RB1CC1: variants seen among roughly 807,000 people sequenced by gnomAD.
RB1CC1 encodes the protein RB1 inducible coiled-coil 1.
RB1CC1 carries 46 observed loss-of-function variants against 177.5 expected under a neutral mutation model. That is an observed-to-expected ratio of 0.26 (90% CI 0.20 to 0.33). The LOEUF is 0.33. Among genes scored for constraint, RB1CC1 ranks in the 10% least tolerant of loss-of-function variants. RB1CC1 has a pLI of 1.00. For missense variants in RB1CC1, 1,703 were observed against 1,816.3 expected (o/e 0.94, Z 1.13); for synonymous variants, 666 against 613.6 (o/e 1.09, Z -1.26).
intron 15 of RB1CC1, 104 bp from the exon 16 acceptor site, chr8:52,645,971 A>G (rs1849987181): frequency 4.5e-6 from 5 of 1,106,442 alleles, no homozygotes; most frequent in Admixed American, 5.0e-5. Context: ...TCAATAATGT[A>G]GCATGAAAGA....
In RB1CC1 at chr8:52,642,807, A is replaced by C. The variant is rs1849696506; in HGVS notation, c.3993T>G (p.Asn1331Lys). Residue 1331 changes from asparagine (N) to lysine (K), a missense_variant, in exon 17 of 24, where the codon AAT becomes AAG. Around this residue, in one of 6 missense-constraint regions of RB1CC1, gnomAD observed 1,169 missense variants for 1,184.7 expected, o/e 0.99. Coordinates refer to ENST00000025008, the MANE Select transcript of RB1CC1 (RefSeq NM_014781.5). ...RTSLIAEQQT[N>K]FNTVLTREKM... Reference sequence around the variant, plus strand: ...TCTCTCTTGTTAAAACAGTGTTAAAATTGGTCTGGAACAAGAGAATAATTA... The same window carrying C: ...TCTCTCTTGTTAAAACAGTGTTAAACTTGGTCTGGAACAAGAGAATAATTA... 3.2e-6 allele frequency: 5 copies of C among 1,548,440 alleles called. No homozygotes were observed. The African/African-American group carries it at 4.2e-5, about 13-fold the overall frequency.
chr8:52,656,482 T>G lies in RB1CC1; in HGVS notation c.3347A>C (p.Glu1116Ala). Residue 1116 changes from glutamate (E) to alanine (A), a missense_variant, in exon 15 of 24, where the codon GAA becomes GCA. Physicochemically the swap from Glu to Ala is moderately radical, Grantham distance 107 (BLOSUM62 -1). This residue lies in a region of RB1CC1 where 1,169 missense variants were observed against 1,184.7 expected (regional missense o/e 0.99). Transcript: ENST00000025008. ...KLNQKIQDNN[E>A]NYQVGLAELR... is the part of the protein sequence containing the mutation. ...CTCTGCTAAGCCCACCTGATAATTT[T>G]CATTATTATCCTGAATCTTTTGGTT... 1 of 1,611,448 alleles carries G rather than the reference T, an allele frequency of 6.2e-7. No individual in the cohort carries two copies. Among genetic ancestry groups the G allele is most frequent in the Non-Finnish European group, 8.5e-7 (1 of 1,179,732 alleles).
chr8:52,701,003 T>G (rs1855996039), intron 1 of RB1CC1, among the ~76,000 whole-genome samples: 1 of 152,212 alleles, frequency 6.6e-6, no homozygotes, highest in Admixed American at 6.5e-5. Context: ...TTACTAAAGA[T>G]TCTACAAGTA....
At chr8:52,666,381 G>A (rs1231730171) in intron 8 of RB1CC1, among the ~76,000 whole-genome samples, 2 of 152,048 alleles carry the variant, frequency 1.3e-5, no homozygotes, top group Non-Finnish European at 2.9e-5. Flanking sequence ...AACCAGGCGT[G>A]GTGGTGCATG....
intron 22 of RB1CC1, 102 bp downstream of exon 22, chr8:52,627,930 T>C (rs1848508038): frequency 1.9e-6 from 2 of 1,051,054 alleles, no homozygotes; most frequent in South Asian, 3.8e-5. Context: ...GGTTCCCTCT[T>C]AGTGACTTAA....
intron 1 of RB1CC1, among the ~76,000 whole-genome samples, chr8:52,690,595 G>C (rs1471696999): frequency 6.6e-6 from 1 of 152,236 alleles, no homozygotes; most frequent in Non-Finnish European, 1.5e-5. Context: ...CCTGAACTGA[G>C]AAGATGTAAA....
chr8:52,673,995 ACTTTGACAAGATTCC>A lies in RB1CC1; in HGVS notation c.837_851del (p.Arg279_Gln283del), dbSNP rs1481675095. ...TAGTTTCATCTTGCTGATGAACAGT[ACTTTGACAAGATTCC>A]CTAATTTCTTTGCCACTTTCAGCAT... On this transcript the variant is annotated inframe_deletion, in exon 7 of 24. Transcript: ENST00000025008. 1 of 1,614,192 alleles carries A rather than the reference ACTTTGACAAGATTCC, an allele frequency of 6.2e-7. No homozygotes were observed. Among genetic ancestry groups the A allele is most frequent in the East Asian group, 2.2e-5 (1 of 44,868 alleles).
chr8:52,714,333 G>C lies in RB1CC1; in HGVS notation c.-425C>G, dbSNP rs1857321340. ...GCCGGGGGACAGAAGGCCGCGGCCTGTCAGAGCCGAGGGGCCCAGGCGACT... is the reference window on the plus strand; with the variant it reads ...GCCGGGGGACAGAAGGCCGCGGCCTCTCAGAGCCGAGGGGCCCAGGCGACT... On this transcript the variant is annotated 5_prime_UTR_variant, in exon 1 of 24. Coordinates refer to ENST00000025008, the MANE Select transcript of RB1CC1 (RefSeq NM_014781.5). 1 of 156,388 alleles carries C rather than the reference G, an allele frequency of 6.4e-6. No individual in the cohort carries two copies. Among genetic ancestry groups the C allele is most frequent in the South Asian group, 1.5e-4 (1 of 6,476 alleles). The allele number at this position is 156,388 out of a possible 1,614,324, so 9.7% of individuals were successfully genotyped here.
chr8:52,692,704 G>C (rs1854998779), intron 1 of RB1CC1, among the ~76,000 whole-genome samples: 2 of 152,050 alleles, frequency 1.3e-5, no homozygotes, highest in Non-Finnish European at 2.9e-5. Context: ...TATGACTTGG[G>C]ACTTTACTAT....
chr8:52,688,780 A>C (rs73595498), intron 1 of RB1CC1, among the ~76,000 whole-genome samples: 2,829 of 152,282 alleles, frequency 0.019, 96 homozygotes, highest in African/African-American at 0.066. Flanking sequence ...TTTGAGGCTT[A>C]TGCGGGCATC....
At position 52,660,626 on chromosome 8, in the gene RB1CC1, C is replaced by G. The variant is rs1851529189; in HGVS notation, c.1659G>C (p.Arg553Ser). 1 of 1,599,584 alleles carries G rather than the reference C, an allele frequency of 6.3e-7. No homozygotes were observed. Among genetic ancestry groups the G allele is most frequent in the African/African-American group, 1.4e-5 (1 of 73,972 alleles). Reference protein sequence around the residue: ...RKSFLRNRLFRGLDSWPPSFC... With the variant: ...RKSFLRNRLFSGLDSWPPSFC... The stretch of plus-strand genomic sequence containing the variant: ...AGGAAGGGGGCCAGGAGTCCAGTCC[C>G]CTAAACAGACGATTTCTTAAAAAAG... Residue 553 changes from arginine to serine, a missense_variant, in exon 12 of 24, where the codon AGG (arginine) becomes AGC (serine). Physicochemically the swap from Arg to Ser is moderately radical, Grantham distance 110. Coordinates refer to ENST00000025008, the MANE Select transcript of RB1CC1 (RefSeq NM_014781.5).
chr8:52,710,745 G>A (rs1194698592), intron 1 of RB1CC1, among the ~76,000 whole-genome samples: 1 of 151,794 alleles, frequency 6.6e-6, no homozygotes, highest in Non-Finnish European at 1.5e-5. Flanking sequence ...ATAAGACAGG[G>A]AAAATGGGGA....
At chr8:52,670,411 T>C (rs999831647) in intron 7 of RB1CC1, among the ~76,000 whole-genome samples, 3 of 152,214 alleles carry the variant, frequency 2.0e-5, no homozygotes, top group Non-Finnish European at 4.4e-5. Context: ...CTTGGGCTCT[T>C]TGGCATCTAC....
At position 52,661,127 on chromosome 8, in the gene RB1CC1, T is replaced by C. The variant is rs1851584683; in HGVS notation, c.1513A>G (p.Arg505Gly). ...TAGTGTTTTATGAACATTTTTCTTC[T>C]TACAACCTCAACAACAGCTAAGCAG... ...MYCLAVVEVV[R>G]RKMFIKHYRE... Residue 505 changes from arginine (R) to glycine (G), a missense_variant, in exon 10 of 24, where the codon AGA becomes GGA. Arg to Gly is a moderately radical substitution (Grantham distance 125). Coordinates refer to ENST00000025008, the MANE Select transcript of RB1CC1 (RefSeq NM_014781.5). 6.2e-7 allele frequency: 1 copy of C among 1,613,352 alleles called. No homozygotes were observed.
chr8:52,656,867 G>A lies in RB1CC1; in HGVS notation c.2962C>T (p.Leu988=). The A allele has an allele frequency of 1.2e-6, 2 of 1,613,388 alleles. No individual in the cohort carries two copies. Among genetic ancestry groups the A allele is most frequent in the South Asian group, 1.1e-5 (1 of 91,076 alleles). Residue 988 remains leucine, a synonymous_variant, in exon 15 of 24, where the codon CTA becomes TTA. Transcript: ENST00000025008. ...AELQSLEQSH[L]KELEDTLQVR... is the part of the protein sequence containing the mutation. ...TGAAGTGTGTCCTCTAATTCCTTTA[G>A]ATGACTTTGCTCCAAGGACTGAAGT...
chr8:52,657,942 A>C (rs373233968), intron 14 of RB1CC1, 34 bp from the exon 15 acceptor site: 3 of 1,612,650 alleles, frequency 1.9e-6, no homozygotes, highest in Non-Finnish European at 2.5e-6. Flanking sequence ...AAAGAGCTGC[A>C]GGAACACAAA....
intron 21 of RB1CC1, among the ~76,000 whole-genome samples, chr8:52,628,523 CAG>C (rs1038855570): frequency 4.6e-5 from 7 of 152,144 alleles, no homozygotes; most frequent in Non-Finnish European, 1.0e-4. Context: ...ACCAAAAATT[CAG>C]AGAGACATCT....
At chr8:52,692,980 A>G (rs1028875465) in intron 1 of RB1CC1, among the ~76,000 whole-genome samples, 2 of 152,190 alleles carry the variant, frequency 1.3e-5, no homozygotes, top group African/African-American at 2.4e-5. Flanking sequence ...TTCACCTACA[A>G]CCACCTGATC....
chr8:52,648,170 A>G (rs1054290719), intron 15 of RB1CC1, among the ~76,000 whole-genome samples: 3 of 152,178 alleles, frequency 2.0e-5, no homozygotes, highest in Non-Finnish European at 4.4e-5. Context: ...TAAGAACACT[A>G]GATGATTAGC....
Sources: gnomAD v4.1 joint callset for allele counts (sites outside exome capture counted in the v4.1 genomes callset) on GRCh38, gnomAD v4.1.1 for gene constraint, gnomAD v4.1.1 regional missense constraint, MANE v1.5 for transcripts, NCBI Gene and HGNC (gene_info 2026-07-23, HGNC 2026-07-21) for gene names.